The following BABAM2 variants were observed in gnomAD, a reference collection of about 807,000 sequenced individuals.
BABAM2 encodes the protein BRISC and BRCA1-A complex member 2.
BABAM2 carries 31 observed loss-of-function variants against 54.7 expected under a neutral mutation model. The ratio of observed to expected loss-of-function variants is 0.57; its 90% CI spans 0.43 to 0.77. BABAM2 has a LOEUF of 0.77. Ranked by LOEUF, BABAM2 falls within the 30% of genes least tolerant of loss-of-function variation. BABAM2 has a pLI of 0.00. For missense variants in BABAM2, 364 were observed against 455.8 expected (o/e 0.80, Z 1.83); for synonymous variants, 167 against 162.9 (o/e 1.03, Z -0.19).
intron 7 of BABAM2, among the ~76,000 whole-genome samples, chr2:28,226,253 G>A (rs539722641): frequency 1.3e-5 from 2 of 152,202 alleles, no homozygotes; most frequent in South Asian, 4.1e-4. Flanking sequence ...TTACTACCTG[G>A]CCTTTTACTG....
chr2:27,981,275 CTT>C (rs1221301441), intron 3 of BABAM2, among the ~76,000 whole-genome samples: 1 of 151,946 alleles, frequency 6.6e-6, no homozygotes, highest in African/African-American at 2.4e-5. Flanking sequence ...TCAGTAAACA[CTT>C]TGTAATTTAT....
rs187469206 is a variant in BABAM2 at position 28,161,427 on chromosome 2, G to A, written c.680+32047G>A. Among the ~76,000 whole-genome samples the A allele has an allele frequency of 3.3e-5, 5 of 152,210 alleles. No individual in the cohort carries two copies. In the East Asian group the frequency reaches 9.7e-4, roughly 29 times the overall value. ...GGGAGCAAGAGTTGGGTTGGGGGTAGGTAGAAAGTAGAAATTAGAGATAGG... is the reference window on the plus strand; with the variant it reads ...GGGAGCAAGAGTTGGGTTGGGGGTAAGTAGAAAGTAGAAATTAGAGATAGG... On this transcript the variant is annotated intron_variant, in intron 7 of 11. Coordinates refer to ENST00000379624, the MANE Select transcript of BABAM2 (RefSeq NM_199191.3).
intron 11 of BABAM2, among the ~76,000 whole-genome samples, chr2:28,326,356 A>G (rs1309087375): frequency 6.6e-6 from 1 of 152,174 alleles, no homozygotes; most frequent in Non-Finnish European, 1.5e-5. Flanking sequence ...AGCCCTGGGC[A>G]GAGTGAGCAG....
intron 11 of BABAM2, among the ~76,000 whole-genome samples, chr2:28,323,513 G>A (rs373894789): frequency 6.6e-6 from 1 of 152,228 alleles, no homozygotes; most frequent in Non-Finnish European, 1.5e-5. Flanking sequence ...ATTAGACTGA[G>A]CAGTGACCTC....
intron 3 of BABAM2, among the ~76,000 whole-genome samples, chr2:27,959,549 GTTT>G (rs528349308): frequency 6.8e-6 from 1 of 146,440 alleles, no homozygotes; most frequent in Non-Finnish European, 1.5e-5. Flanking sequence ...TTAATGTTCT[GTTT>G]TTTTTTTTCC....
chr2:27,915,722 G>C (rs1573156799), intron 2 of BABAM2, among the ~76,000 whole-genome samples: 1 of 152,086 alleles, frequency 6.6e-6, no homozygotes, highest in East Asian at 1.9e-4. Context: ...AACAGGAAAG[G>C]GAATCCTTTA....
intron 8 of BABAM2, among the ~76,000 whole-genome samples, chr2:28,237,650 C>T (rs1682033974): frequency 6.6e-6 from 1 of 152,172 alleles, no homozygotes; most frequent in African/African-American, 2.4e-5. Context: ...CCATTGCTTC[C>T]CAATTATCCA....
intron 7 of BABAM2, among the ~76,000 whole-genome samples, chr2:28,201,016 C>T (rs1211588437): frequency 6.6e-6 from 1 of 152,186 alleles, no homozygotes. Context: ...AGTGATCCTC[C>T]CACCTCGGCC....
intron 3 of BABAM2, among the ~76,000 whole-genome samples, chr2:27,983,048 C>A (rs115849444): frequency 0.01 from 1,585 of 152,088 alleles, 26 homozygotes; most frequent in African/African-American, 0.036. Flanking sequence ...ATTTCTGGAT[C>A]ATATGTTAAT....
intron 7 of BABAM2, among the ~76,000 whole-genome samples, chr2:28,163,750 C>CAT (rs1673344112): frequency 2.0e-5 from 3 of 152,328 alleles, no homozygotes; most frequent in South Asian, 4.1e-4. Context: ...ATCGGCTGGG[C>CAT]TGATGGAGCT....
intron 7 of BABAM2, among the ~76,000 whole-genome samples, chr2:28,184,438 C>T (rs948101904): frequency 8.6e-5 from 13 of 151,654 alleles, no homozygotes; most frequent in African/African-American, 3.1e-4. Flanking sequence ...ATGAACTTGT[C>T]ATTTACATTA....
Position 28,043,747 on chromosome 2 carries a change from C to A in BABAM2, c.496-1978C>A, listed in dbSNP as rs548870821. On this transcript the variant is annotated intron_variant, in intron 5 of 11. Transcript: ENST00000379624. ...TACCAAAACCACACCTTTTGGTAAT[C>A]TTGGACTGTAACAGAAGGCAAGAAT... Among the ~76,000 whole-genome samples the A allele has an allele frequency of 3.6e-4, 55 of 152,286 alleles. 2 individuals carry two copies. Among genetic ancestry groups the A allele is most frequent in the Admixed American group, 3.5e-3 (53 of 15,300 alleles).
At chr2:28,157,115 G>T (rs1171423545) in intron 7 of BABAM2, among the ~76,000 whole-genome samples, 1 of 152,274 alleles carries the variant, frequency 6.6e-6, no homozygotes, top group Admixed American at 6.5e-5. Context: ...ATTTACCTGT[G>T]TGTGGAAAAT....
Position 28,074,559 on chromosome 2 carries a change from G to A in BABAM2, c.570+28760G>A, listed in dbSNP as rs547031016. 3.9e-5 allele frequency among the ~76,000 whole-genome samples: 6 copies of A among 152,300 alleles called. No individual in the cohort carries two copies. The East Asian group carries it at 1.2e-3, about 29-fold the overall frequency. On this transcript the variant is annotated intron_variant, in intron 6 of 11. Coordinates refer to ENST00000379624, the MANE Select transcript of BABAM2 (RefSeq NM_199191.3). ...TAGCCTTTTATGTGTTTGTATGTTT[G>A]TGAATAAAACAGGGTTTTTACTTCC...
At position 28,322,737 on chromosome 2, in the gene BABAM2, G is replaced by A. The variant is rs1222307620; in HGVS notation, c.1089-15713G>A. On this transcript the variant is annotated intron_variant, in intron 11 of 11. Coordinates refer to ENST00000379624, the MANE Select transcript of BABAM2 (RefSeq NM_199191.3). The surrounding 1 kb of genome is among the most constrained non-coding windows in gnomAD (Gnocchi z 4.1). ...GTGTCAGGTAGGTGGGAGACCCCCAGCATGTTGCAGGCCCAGGAAAGCACC... is the reference window on the plus strand; with the variant it reads ...GTGTCAGGTAGGTGGGAGACCCCCAACATGTTGCAGGCCCAGGAAAGCACC... 6.6e-6 allele frequency among the ~76,000 whole-genome samples: 1 copy of A among 152,250 alleles called. No individual in the cohort carries two copies. Among genetic ancestry groups the A allele is most frequent in the East Asian group, 1.9e-4 (1 of 5,196 alleles).
intron 3 of BABAM2, among the ~76,000 whole-genome samples, chr2:27,966,050 T>C (rs1670819572): frequency 2.6e-5 from 4 of 152,204 alleles, no homozygotes; most frequent in Admixed American, 2.6e-4. Context: ...ATGTAGAGGC[T>C]TACTCAGGTT....
intron 7 of BABAM2, among the ~76,000 whole-genome samples, chr2:28,196,531 CCA>C (rs2147938406): frequency 6.6e-6 from 1 of 151,792 alleles, no homozygotes; most frequent in East Asian, 2.0e-4. Context: ...AATTGACACA[CCA>C]GTTTATCAAT....
At chr2:28,239,224 C>G (rs777395540) in intron 8 of BABAM2, among the ~76,000 whole-genome samples, 3 of 152,220 alleles carry the variant, frequency 2.0e-5, no homozygotes, top group Non-Finnish European at 4.4e-5. Context: ...TATAAATTGA[C>G]ATAAACCCCT....
chr2:27,991,366 A>G (rs187076424), intron 4 of BABAM2, among the ~76,000 whole-genome samples: 62 of 152,326 alleles, frequency 4.1e-4, no homozygotes, highest in Admixed American at 1.0e-3. Context: ...AGACAGTTCA[A>G]AAGTTTTTTT....
Sources: allele counts gnomAD v4.1 joint callset (sites outside exome capture counted in the v4.1 genomes callset), GRCh38; gene constraint gnomAD v4.1.1; non-coding constraint Gnocchi (gnomAD v3.1); transcripts MANE v1.5; gene names NCBI Gene and HGNC (gene_info 2026-07-23, HGNC 2026-07-21).